Variants in CREB3L2 observed in about 807,000 individuals in gnomAD.
The protein encoded by CREB3L2 is cyclic AMP-responsive element-binding protein 3-like protein 2.
CREB3L2 carries 23 observed loss-of-function variants against 57.2 expected under a neutral mutation model. The ratio of observed to expected loss-of-function variants is 0.40; its 90% CI spans 0.29 to 0.57. The LOEUF (loss-of-function observed/expected upper bound fraction) is 0.57, where lower values mean the gene tolerates loss of function less well. Ranked by LOEUF, CREB3L2 falls within the 20% of genes least tolerant of loss-of-function variation. The pLI is 0.42. For missense variants in CREB3L2, 628 were observed against 634.7 expected (o/e 0.99, Z 0.11); for synonymous variants, 268 against 265.1 (o/e 1.01, Z -0.11).
At chr7:137,914,394 C>T (rs1800081431) in intron 3 of CREB3L2, among the ~76,000 whole-genome samples, 2 of 151,926 alleles carry the variant, frequency 1.3e-5, no homozygotes, top group South Asian at 2.1e-4. Context: ...CACTTTGGGA[C>T]GCTGAGGTGG....
chr7:137,899,087 AAAG>A lies in CREB3L2; in HGVS notation c.1043+2264_1043+2266del, dbSNP rs1424052128. On this transcript the variant is annotated intron_variant, in intron 8 of 11. Transcript: ENST00000330387. ...AAAGAGAAAGAAAGAAAAGGAAGAA[AAAG>A]GAAAGAGAAGGAAGGAAGGAAGGAA... is the stretch of plus-strand genomic sequence containing the variant. Among the ~76,000 whole-genome samples, 5 of 145,250 alleles carry A rather than the reference AAAG, an allele frequency of 3.4e-5. No homozygotes were observed. In the South Asian group the frequency reaches 9.3e-4, roughly 27 times the overall value.
intron 8 of CREB3L2, among the ~76,000 whole-genome samples, chr7:137,892,871 T>G (rs1018690029): frequency 3.9e-5 from 6 of 152,060 alleles, no homozygotes; most frequent in African/African-American, 1.4e-4. Context: ...CGGGATACAA[T>G]GTTAATAATT....
chr7:137,964,603 G>T (rs2117290946), intron 1 of CREB3L2, among the ~76,000 whole-genome samples: 1 of 152,316 alleles, frequency 6.6e-6, no homozygotes, highest in South Asian at 2.1e-4. Context: ...GATGGGGAGG[G>T]AACAAGCATG....
At chr7:137,927,251 C>T (rs1036976080) in intron 2 of CREB3L2, among the ~76,000 whole-genome samples, 12 of 103,374 alleles carry the variant, frequency 1.2e-4, no homozygotes, top group African/African-American at 1.6e-4. Flanking sequence ...GGGAACGGAA[C>T]GGAACAGAAC....
intron 8 of CREB3L2, among the ~76,000 whole-genome samples, chr7:137,890,539 G>A (rs1283551564): frequency 6.6e-6 from 1 of 152,192 alleles, no homozygotes; most frequent in Non-Finnish European, 1.5e-5. Flanking sequence ...TCTGAGTTTA[G>A]GCAGCTACTC....
intron 1 of CREB3L2, among the ~76,000 whole-genome samples, chr7:137,943,583 C>T (rs1445490196): frequency 6.6e-6 from 1 of 152,172 alleles, no homozygotes; most frequent in South Asian, 2.1e-4. Context: ...TTATGCAGAA[C>T]CTCCATGAGA....
At chr7:137,896,963 GT>G (rs1799639563) in intron 8 of CREB3L2, among the ~76,000 whole-genome samples, 1 of 152,240 alleles carries the variant, frequency 6.6e-6, no homozygotes. Context: ...GGCACTGGAA[GT>G]GGGAGAACTG....
At chr7:137,995,760 A>G (rs536559480) in intron 1 of CREB3L2, among the ~76,000 whole-genome samples, 1 of 152,316 alleles carries the variant, frequency 6.6e-6, no homozygotes, top group Non-Finnish European at 1.5e-5. Context: ...TCTAGATGCT[A>G]TATCTTATAA....
chr7:137,991,504 C>T (rs556649855), intron 1 of CREB3L2, among the ~76,000 whole-genome samples: 20 of 152,066 alleles, frequency 1.3e-4, no homozygotes, highest in Admixed American at 7.9e-4. Context: ...GTGGTAGGGG[C>T]ATAACACATG....
chr7:137,944,664 C>T (rs1321455563), intron 1 of CREB3L2, among the ~76,000 whole-genome samples: 3 of 152,130 alleles, frequency 2.0e-5, no homozygotes, highest in Non-Finnish European at 4.4e-5. Flanking sequence ...ATCTAAGTGG[C>T]TATGAAAACA....
chr7:137,968,303 T>C (rs1801443527), intron 1 of CREB3L2, among the ~76,000 whole-genome samples: 1 of 152,216 alleles, frequency 6.6e-6, no homozygotes, highest in Non-Finnish European at 1.5e-5. Context: ...GTGGGTTTGC[T>C]GCACCCATTA....
At chr7:137,905,955 G>C in intron 5 of CREB3L2, 107 bp from the exon 6 acceptor site, 1 of 1,152,406 alleles carries the variant, frequency 8.7e-7, no homozygotes, top group Non-Finnish European at 1.2e-6. Context: ...CTTACAGAAG[G>C]CTCTGAGACA....
intron 1 of CREB3L2, among the ~76,000 whole-genome samples, chr7:137,954,610 A>C (rs868528712): frequency 3.0e-4 from 46 of 152,194 alleles, no homozygotes; most frequent in Middle Eastern, 3.2e-3. Context: ...CCTATTTTTT[A>C]AAATGAATAA....
chr7:137,971,766 C>G (rs925568446), intron 1 of CREB3L2, among the ~76,000 whole-genome samples: 8 of 150,970 alleles, frequency 5.3e-5, no homozygotes, highest in Non-Finnish European at 1.2e-4. Context: ...ATTAAGCCAA[C>G]TTATTTAAAA....
chr7:137,889,056 C>T (rs571354522), intron 8 of CREB3L2, among the ~76,000 whole-genome samples: 2 of 149,524 alleles, frequency 1.3e-5, no homozygotes, highest in East Asian at 3.9e-4. Flanking sequence ...CTGCCCATCC[C>T]CTACCCCTTG....
intron 4 of CREB3L2, among the ~76,000 whole-genome samples, chr7:137,909,333 T>C (rs2117210384): frequency 6.6e-6 from 1 of 152,310 alleles, no homozygotes; most frequent in East Asian, 1.9e-4. Context: ...CCAGGGCCTA[T>C]GGAGCCTTGG....
chr7:137,901,685 C>T (rs1356979337), intron 7 of CREB3L2, among the ~76,000 whole-genome samples: 1 of 151,420 alleles, frequency 6.6e-6, no homozygotes, highest in African/African-American at 2.4e-5. Flanking sequence ...TAGAGACCAT[C>T]CTGGCCGACA....
intron 1 of CREB3L2, among the ~76,000 whole-genome samples, chr7:137,939,834 G>A (rs1007828435): frequency 6.6e-6 from 1 of 152,108 alleles, no homozygotes; most frequent in Admixed American, 6.5e-5. Context: ...TGGGAGTGCT[G>A]GAGGCCCAGC....
At chr7:137,921,223 C>T (rs986787714) in intron 2 of CREB3L2, among the ~76,000 whole-genome samples, 28 of 152,164 alleles carry the variant, frequency 1.8e-4, no homozygotes, top group Admixed American at 7.2e-4. Flanking sequence ...TCATTTCAGA[C>T]GAAAAACATC....
Sources: allele counts gnomAD v4.1 joint callset (sites outside exome capture counted in the v4.1 genomes callset), GRCh38; gene constraint gnomAD v4.1.1; transcripts MANE v1.5; gene names NCBI Gene and HGNC (gene_info 2026-07-23, HGNC 2026-07-21).